Variants in DPP6 observed in about 807,000 individuals in gnomAD.
DPP6 encodes dipeptidyl peptidase like 6, also known as A-type potassium channel modulatory protein DPP6.
Under a neutral mutation model 122.6 loss-of-function variants are expected in DPP6, and 69 were observed. The ratio of observed to expected loss-of-function variants is 0.56; its 90% CI spans 0.46 to 0.69. DPP6 has a LOEUF of 0.69. Ranked by LOEUF, DPP6 falls within the 30% of genes least tolerant of loss-of-function variation. The pLI, the probability that DPP6 is intolerant of heterozygous loss-of-function variation, is 0.00. For missense variants in DPP6, 928 were observed against 1,116.9 expected, an observed-to-expected ratio of 0.83 and a Z score of 2.41; for synonymous variants, 418 against 433.1, an observed-to-expected ratio of 0.97 and a Z score of 0.43.
At chr7:154,367,552 C>A (rs1226876205) in intron 1 of DPP6, among the ~76,000 whole-genome samples, 1 of 152,130 alleles carries the variant, frequency 6.6e-6, no homozygotes, top group East Asian at 1.9e-4. Flanking sequence ...ATATTAATTT[C>A]ATTGAATTGA....
intron 6 of DPP6, among the ~76,000 whole-genome samples, chr7:154,662,690 G>A (rs1417012793): frequency 4.7e-5 from 4 of 85,060 alleles, no homozygotes; most frequent in Non-Finnish European, 4.9e-5. Context: ...CGTATTGGGC[G>A]TAGTGTTCAT....
chr7:154,887,801 C>A, intron 23 of DPP6, 67 bp downstream of exon 23: 2 of 1,583,158 alleles, frequency 1.3e-6, no homozygotes, highest in Non-Finnish European at 1.7e-6. Flanking sequence ...TCCCAGCCTG[C>A]CCTGGCTGTA....
intron 16 of DPP6, among the ~76,000 whole-genome samples, chr7:154,819,221 C>T (rs1799609665): frequency 2.6e-5 from 4 of 152,164 alleles, no homozygotes; most frequent in Admixed American, 2.6e-4. Context: ...TCAAGACCAG[C>T]CTGGCCAATA....
At chr7:154,256,654 C>A (rs556120140) in intron 1 of DPP6, among the ~76,000 whole-genome samples, 1 of 152,116 alleles carries the variant, frequency 6.6e-6, no homozygotes, top group African/African-American at 2.4e-5. Context: ...AACCAAATAA[C>A]AAAGGAAGCA....
At chr7:153,866,965 T>C in the DPP6 span, among the ~76,000 whole-genome samples, 1 of 152,162 alleles carries the variant, frequency 6.6e-6, no homozygotes, top group South Asian at 2.1e-4. Flanking sequence ...GTTGTAGATA[T>C]GTGGCATTAT....
At chr7:154,042,769 G>A (rs1314191864) in intron 1 of DPP6, among the ~76,000 whole-genome samples, 1 of 152,178 alleles carries the variant, frequency 6.6e-6, no homozygotes, top group Non-Finnish European at 1.5e-5. Context: ...TTTCCTCAAA[G>A]ACCAACGACT....
chr7:154,314,011 G>A (rs1011867018), intron 1 of DPP6, among the ~76,000 whole-genome samples: 9 of 151,912 alleles, frequency 5.9e-5, no homozygotes, highest in African/African-American at 1.9e-4. Context: ...CTGTAACAAC[G>A]TCTCAAAAGC....
intron 1 of DPP6, among the ~76,000 whole-genome samples, chr7:154,400,311 A>C (rs1815461202): frequency 6.6e-6 from 1 of 152,190 alleles, no homozygotes; most frequent in South Asian, 2.1e-4. Context: ...GATGGCGTGG[A>C]GTTCCTCTGA....
intron 1 of DPP6, among the ~76,000 whole-genome samples, chr7:153,964,816 CCTTTCCTTT>C (rs1427869269): frequency 2.2e-5 from 1 of 45,400 alleles, no homozygotes; most frequent in Non-Finnish European, 3.5e-5. Context: ...CCTTTCCTTT[CCTTTCCTTT>C]CCTTTTCCTT....
intron 1 of DPP6, among the ~76,000 whole-genome samples, chr7:154,370,876 A>T (rs1318127909): frequency 6.6e-6 from 1 of 152,186 alleles, no homozygotes; most frequent in Non-Finnish European, 1.5e-5. Context: ...ATTTCTAATT[A>T]CTTAGGCACA....
chr7:154,795,238 C>A (rs1450334246), intron 11 of DPP6, among the ~76,000 whole-genome samples: 1 of 152,286 alleles, frequency 6.6e-6, no homozygotes, highest in South Asian at 2.1e-4. Flanking sequence ...TCCAGGGGCC[C>A]GGAGGTCCAG....
chr7:153,886,322 C>T (rs942154441), upstream of DPP6, among the ~76,000 whole-genome samples: 5 of 152,196 alleles, frequency 3.3e-5, no homozygotes, highest in Non-Finnish European at 5.9e-5. Context: ...CGCCCAGGGG[C>T]AGCAGGTGGA....
intron 5 of DPP6, among the ~76,000 whole-genome samples, chr7:154,635,983 A>G (rs1174528235): frequency 6.6e-6 from 1 of 152,180 alleles, no homozygotes; most frequent in Non-Finnish European, 1.5e-5. Context: ...TAAGTCAGCC[A>G]ACACTAAAGG....
At chr7:153,866,114 C>G in the DPP6 span, among the ~76,000 whole-genome samples, 1 of 152,080 alleles carries the variant, frequency 6.6e-6, no homozygotes, top group Non-Finnish European at 1.5e-5. Flanking sequence ...AATAAACATA[C>G]GTGTGCATGT....
chr7:154,148,587 G>A (rs1374062792), intron 1 of DPP6, among the ~76,000 whole-genome samples: 2 of 152,234 alleles, frequency 1.3e-5, no homozygotes, highest in Non-Finnish European at 2.9e-5. Context: ...CCATGCTGCA[G>A]TGGGCACTCT....
intron 1 of DPP6, chr7:154,058,608 T>TC (rs371445989): frequency 0.042 from 6,272 of 147,672 alleles, 587 homozygotes; most frequent in African/African-American, 0.15. Context: ...CAGACCCTCT[T>TC]CCCCCCCCAG....
chr7:154,573,653 T>C (rs1000821490), intron 5 of DPP6, among the ~76,000 whole-genome samples: 1 of 152,238 alleles, frequency 6.6e-6, no homozygotes, highest in African/African-American at 2.4e-5. Flanking sequence ...TTAGCCGATA[T>C]AAGGCCAACT....
chr7:154,728,988 G>A (rs1842206160), intron 8 of DPP6, among the ~76,000 whole-genome samples: 3 of 152,170 alleles, frequency 2.0e-5, no homozygotes, highest in South Asian at 2.1e-4. Flanking sequence ...AATTTGGGGG[G>A]ACACAGACAT....
chr7:153,900,238 G>GTT (rs36001080), intron 1 of DPP6, among the ~76,000 whole-genome samples: 19 of 144,102 alleles, frequency 1.3e-4, no homozygotes, highest in African/African-American at 3.3e-4. Flanking sequence ...CCATCTTTCT[G>GTT]TTTTTTTTTT....
Sources: allele counts gnomAD v4.1 joint callset (sites outside exome capture counted in the v4.1 genomes callset), GRCh38; gene constraint gnomAD v4.1.1; transcripts MANE v1.5; gene names NCBI Gene and HGNC (gene_info 2026-07-23, HGNC 2026-07-21).